LRRC36: variants seen among roughly 807,000 people sequenced by gnomAD.
The protein encoded by LRRC36 is leucine rich repeat containing 36.
Under a neutral mutation model 81.1 loss-of-function variants are expected in LRRC36, and 62 were observed. The observed-to-expected ratio is 0.76, with a 90% confidence interval of 0.62 to 0.94. LRRC36 has a LOEUF of 0.94. LRRC36 is among the 40% of genes least tolerant of loss of function. LRRC36 has a pLI of 0.00. For missense variants in LRRC36, 761 were observed against 881.7 expected, an observed-to-expected ratio of 0.86 and a Z score of 1.73; for synonymous variants, 334 against 348.6, an observed-to-expected ratio of 0.96 and a Z score of 0.47.
At chr16:67,357,765 A>C (rs1295360593) in intron 5 of LRRC36, among the ~76,000 whole-genome samples, 1 of 152,166 alleles carries the variant, frequency 6.6e-6, no homozygotes, top group Admixed American at 6.5e-5. Flanking sequence ...CTTGAAGGGG[A>C]TCTGGCCAGA....
At position 67,370,985 on chromosome 16, in the gene LRRC36, C is replaced by T. The variant is rs1262734104; in HGVS notation, c.1237C>T (p.Leu413Phe). 1.9e-6 allele frequency: 3 copies of T among 1,613,998 alleles called. No homozygotes were observed. Among genetic ancestry groups the T allele is most frequent in the Non-Finnish European group, 2.5e-6 (3 of 1,180,024 alleles). Reference sequence around the variant, plus strand: ...CCATTTCAACAGTGACCCTGCTGTACTTGTCAATGTAGAGCAACAATTATC... The same window carrying T: ...CCATTTCAACAGTGACCCTGCTGTATTTGTCAATGTAGAGCAACAATTATC... ...TTHFNSDPAV[L>F]VNVEQQLSTS... The change falls in exon 9 of 14, where the codon CTT becomes TTT. Residue 413 changes from leucine (L) to phenylalanine (F), a missense_variant. Physicochemically the swap from Leu to Phe is conservative, Grantham distance 22. This residue lies in a region of LRRC36 where 139 missense variants were observed against 214.0 expected (regional missense o/e 0.65). Coordinates refer to ENST00000329956, the MANE Select transcript of LRRC36 (RefSeq NM_018296.6).
intron 5 of LRRC36, among the ~76,000 whole-genome samples, chr16:67,358,478 A>G (rs2038998779): frequency 6.6e-6 from 1 of 151,216 alleles, no homozygotes. Context: ...CAGGGACTAC[A>G]GGCATGTCGC....
intron 1 of LRRC36, among the ~76,000 whole-genome samples, chr16:67,335,795 C>T (rs1428925811): frequency 2.0e-5 from 3 of 151,696 alleles, no homozygotes; most frequent in African/African-American, 4.8e-5. Flanking sequence ...TGCAGTGGCA[C>T]GATCTTGGCT....
chr16:67,377,590 C>T (rs972346643), intron 11 of LRRC36, among the ~76,000 whole-genome samples: 2 of 151,882 alleles, frequency 1.3e-5, no homozygotes, highest in African/African-American at 4.8e-5. Context: ...CCTTAGCCTC[C>T]CAAAGTGCTG....
intron 1 of LRRC36, among the ~76,000 whole-genome samples, chr16:67,341,706 T>C (rs2038090783): frequency 6.6e-6 from 1 of 152,136 alleles, no homozygotes; most frequent in East Asian, 1.9e-4. Flanking sequence ...AAATTTTGTT[T>C]TGAGAACTTT....
At chr16:67,383,701 A>T (rs1226995979) in intron 13 of LRRC36, among the ~76,000 whole-genome samples, 7 of 152,250 alleles carry the variant, frequency 4.6e-5, no homozygotes, top group Non-Finnish European at 1.0e-4. Flanking sequence ...AGGGAATTTT[A>T]AAAATAATTT....
chr16:67,346,464 T>G lies in LRRC36; in HGVS notation c.391+16T>G. The G allele has an allele frequency of 1.3e-6, 2 of 1,520,942 alleles. No homozygotes were observed. The highest frequency in any genetic ancestry group is 1.8e-6 in the Non-Finnish European group (2 of 1,113,626). The allele number at this position is 1,520,942 out of a possible 1,614,324, so 94.2% of individuals were successfully genotyped here. On this transcript the variant is annotated intron_variant, in intron 3 of 13. Coordinates refer to ENST00000329956, the MANE Select transcript of LRRC36 (RefSeq NM_018296.6). ...GAGAAATTAGGTAAGACCTTCCTTC[T>G]CTGTTCCTGTCCACAGAATCTTACT...
Position 67,365,368 on chromosome 16 carries a change from C to G in LRRC36, c.754+13C>G, listed in dbSNP as rs753460127. The G allele has an allele frequency of 6.2e-7, 1 of 1,611,260 alleles. No individual in the cohort carries two copies. Among genetic ancestry groups the G allele is most frequent in the Non-Finnish European group, 8.5e-7 (1 of 1,177,766 alleles). The stretch of plus-strand genomic sequence containing the variant: ...CACCAGGAAGATGGTAAATATTTTG[C>G]TCACTGAGTATTTTTCCCCCACACT... On this transcript the variant is annotated intron_variant, in intron 7 of 13. Transcript: ENST00000329956.
At chr16:67,373,572 G>C (rs929040420) in intron 9 of LRRC36, among the ~76,000 whole-genome samples, 1 of 151,750 alleles carries the variant, frequency 6.6e-6, no homozygotes, top group Admixed American at 6.6e-5. Context: ...GCTGGGTGTG[G>C]TGATGCACGC....
In LRRC36 at chr16:67,358,271, A is replaced by G. The variant is rs1048726017; in HGVS notation, c.578-5319A>G. Among the ~76,000 whole-genome samples the G allele has an allele frequency of 9.2e-5, 14 of 152,198 alleles. No homozygotes were observed. In the East Asian group the frequency reaches 9.6e-4, roughly 10 times the overall value. On this transcript the variant is annotated intron_variant, in intron 5 of 13. Coordinates refer to ENST00000329956, the MANE Select transcript of LRRC36 (RefSeq NM_018296.6). The stretch of plus-strand genomic sequence containing the variant: ...TTTTTGTGTTTTAAAGGACACTATC[A>G]AAGTGGAAAGACAACCCACAGAATA...
intron 1 of LRRC36, among the ~76,000 whole-genome samples, chr16:67,339,168 T>C (rs1228572639): frequency 6.6e-6 from 1 of 151,290 alleles, no homozygotes; most frequent in Admixed American, 6.6e-5. Flanking sequence ...GTGTTGGGAT[T>C]ACAGACATGA....
At chr16:67,377,204 T>A (rs2039934997) in intron 11 of LRRC36, among the ~76,000 whole-genome samples, 2 of 152,168 alleles carry the variant, frequency 1.3e-5, no homozygotes, top group Non-Finnish European at 2.9e-5. Flanking sequence ...GGATTGTCTT[T>A]CCTCCCTTCT....
At chr16:67,337,435 G>A (rs1384015558) in intron 1 of LRRC36, among the ~76,000 whole-genome samples, 2 of 149,804 alleles carry the variant, frequency 1.3e-5, no homozygotes, top group Non-Finnish European at 3.0e-5. Context: ...TGGTGCGACT[G>A]CAGCCCCCAC....
intron 5 of LRRC36, among the ~76,000 whole-genome samples, chr16:67,355,363 C>CTTTTTTTT (rs1156742689): frequency 3.9e-5 from 3 of 77,704 alleles, no homozygotes; most frequent in East Asian, 5.0e-4. Flanking sequence ...TTTAAGATGT[C>CTTTTTTTT]TTTTTTTTTT....
intron 3 of LRRC36, 81 bp from the exon 4 acceptor site, chr16:67,347,414 C>A: frequency 6.3e-7 from 1 of 1,585,274 alleles, no homozygotes; most frequent in Non-Finnish European, 8.6e-7. Context: ...TTTTCCTCTG[C>A]GAATATGGTT....
chr16:67,371,274 A>G, intron 9 of LRRC36, 32 bp downstream of exon 9: 1 of 1,613,584 alleles, frequency 6.2e-7, no homozygotes, highest in Non-Finnish European at 8.5e-7. Flanking sequence ...TTTGTGCGAG[A>G]AACAGGTCAG....
At chr16:67,358,557 T>C (rs2039005823) in intron 5 of LRRC36, among the ~76,000 whole-genome samples, 1 of 151,794 alleles carries the variant, frequency 6.6e-6, no homozygotes, top group Non-Finnish European at 1.5e-5. Flanking sequence ...CTTGCTATGT[T>C]GCCCAGGCTG....
intron 9 of LRRC36, among the ~76,000 whole-genome samples, chr16:67,374,372 C>T (rs1351824576): frequency 1.3e-5 from 2 of 151,944 alleles, no homozygotes; most frequent in African/African-American, 2.4e-5. Flanking sequence ...TGTCAAACAA[C>T]AAATTTTTAA....
intron 1 of LRRC36, 136 bp from the exon 2 acceptor site, chr16:67,341,818 AAAG>A (rs2038097581): frequency 2.0e-6 from 1 of 503,460 alleles, no homozygotes; most frequent in South Asian, 5.5e-5. Context: ...CTGCTTTTAA[AAAG>A]AAGATCTGAT....
Sources: allele counts gnomAD v4.1 joint callset (sites outside exome capture counted in the v4.1 genomes callset), GRCh38; gene constraint gnomAD v4.1.1; regional missense constraint gnomAD v4.1.1; transcripts MANE v1.5; gene names NCBI Gene and HGNC (gene_info 2026-07-23, HGNC 2026-07-21).